Variants in ZNF714 observed in about 807,000 individuals in gnomAD.
The protein encoded by ZNF714 is zinc finger protein 714.
Under a neutral mutation model 46.2 loss-of-function variants are expected in ZNF714, and 32 were observed. The observed-to-expected ratio is 0.69, with a 90% CI of 0.52 to 0.93. ZNF714 has a LOEUF of 0.93. Among genes scored for constraint, ZNF714 ranks in the 40% least tolerant of loss-of-function variants. The probability of loss-of-function intolerance (pLI) is 0.00; values close to 1 mark genes in which losing one functional copy is unlikely to be tolerated. For missense variants in ZNF714, 635 were observed against 646.3 expected (o/e 0.98, Z 0.19); for synonymous variants, 199 against 213.1 (o/e 0.93, Z 0.58).
chr19:21,103,072 TTTATC>T (rs1160097302), intron 4 of ZNF714, among the ~76,000 whole-genome samples: 1 of 152,030 alleles, frequency 6.6e-6, no homozygotes, highest in East Asian at 1.9e-4. Context: ...CAGTGGGTAT[TTTATC>T]TTGTCTAAGC....
chr19:21,116,315 G>T (rs1969595874), intron 4 of ZNF714, among the ~76,000 whole-genome samples: 1 of 151,902 alleles, frequency 6.6e-6, no homozygotes. Flanking sequence ...ATTACCTTTG[G>T]TCTCAAGACC....
chr19:21,108,890 ATTTGC>A (rs1969383876), intron 4 of ZNF714, among the ~76,000 whole-genome samples: 1 of 152,298 alleles, frequency 6.6e-6, no homozygotes, highest in Non-Finnish European at 1.5e-5. Context: ...CTTTGCCAAA[ATTTGC>A]TTTGTATATT....
At chr19:21,099,390 G>A (rs1969119055) in intron 4 of ZNF714, among the ~76,000 whole-genome samples, 1 of 152,098 alleles carries the variant, frequency 6.6e-6, no homozygotes, top group South Asian at 2.1e-4. Context: ...ATGTTGGCCA[G>A]GCTGGTCTTG....
chr19:21,082,260 C>T lies in ZNF714; in HGVS notation c.-265C>T. 7.4e-7 allele frequency: 1 copy of T among 1,359,426 alleles called. No individual in the cohort carries two copies. The highest frequency in any genetic ancestry group is 1.9e-5 in the Admixed American group (1 of 54,014). 84.2% of individuals were successfully genotyped at this position (1,359,426 alleles called of 1,614,324 possible). ...CCTTCACTGCCCTGTGTCCTCTGCT[C>T]GCAGAGGCCCAGCCTCTGTGGCCCT... On this transcript the variant is annotated 5_prime_UTR_variant, in exon 1 of 5. Transcript: ENST00000456283.
chr19:21,089,851 A>C lies in ZNF714; in HGVS notation c.-85+5782A>C. Among the ~76,000 whole-genome samples the C allele has an allele frequency of 1.6e-5, 2 of 121,652 alleles. 1 individual carries two copies. Among genetic ancestry groups the C allele is most frequent in the Non-Finnish European group, 3.6e-5 (2 of 55,352 alleles). 79.8% of individuals were successfully genotyped at this position (121,652 alleles called of 152,430 possible). On this transcript the variant is annotated intron_variant, in intron 2 of 4. Coordinates refer to ENST00000456283, the MANE Select transcript of ZNF714 (RefSeq NM_182515.4). ...TAAACAGTAATTTTTTTTACCATTC[A>C]TTCCATCAGTTTACATAGAGAGGCT...
At chr19:21,104,055 T>C (rs945870361) in intron 4 of ZNF714, among the ~76,000 whole-genome samples, 1 of 151,188 alleles carries the variant, frequency 6.6e-6, no homozygotes, top group Admixed American at 6.6e-5. Context: ...CGTTCCACTT[T>C]GTTTTTATGA....
chr19:21,122,908 A>C lies in ZNF714; in HGVS notation c.*4576A>C, dbSNP rs551455055. 1 of 152,124 alleles carries C rather than the reference A, an allele frequency of 6.6e-6. No individual in the cohort carries two copies. Among genetic ancestry groups the C allele is most frequent in the African/African-American group, 2.4e-5 (1 of 41,436 alleles). 9.4% of individuals were successfully genotyped at this position (152,124 alleles called of 1,614,324 possible). A position where few individuals can be genotyped will look rare whatever the true frequency, so the allele number is the denominator to read the frequency against. On this transcript the variant is annotated 3_prime_UTR_variant, in exon 5 of 5. Coordinates refer to ENST00000456283, the MANE Select transcript of ZNF714 (RefSeq NM_182515.4). Reference sequence around the variant, plus strand: ...GGTGGCTCACGCCTCTAATCCCAGCACTTTGAGAGGCCGAGGCAAGTGGAT... The same window carrying C: ...GGTGGCTCACGCCTCTAATCCCAGCCCTTTGAGAGGCCGAGGCAAGTGGAT...
intron 2 of ZNF714, among the ~76,000 whole-genome samples, chr19:21,093,679 G>T (rs1968974988): frequency 6.6e-6 from 1 of 151,776 alleles, no homozygotes; most frequent in Non-Finnish European, 1.5e-5. Flanking sequence ...TGTTGCAAAG[G>T]CTGAAGTGCA....
intron 4 of ZNF714, among the ~76,000 whole-genome samples, chr19:21,100,415 C>A (rs890926428): frequency 3.3e-5 from 5 of 151,732 alleles, no homozygotes; most frequent in African/African-American, 4.8e-5. Context: ...GCCTGTAATC[C>A]CAGCTACTCA....
intron 2 of ZNF714, among the ~76,000 whole-genome samples, chr19:21,097,449 T>G (rs2144840767): frequency 6.6e-6 from 1 of 152,358 alleles, no homozygotes; most frequent in East Asian, 1.9e-4. Context: ...AATAATTTGC[T>G]TGGTTAAAGA....
Position 21,094,066 on chromosome 19 carries a change from C to CTGCA in ZNF714, c.-84-4118_-84-4115dup, listed in dbSNP as rs1330546937. Among the ~76,000 whole-genome samples the CTGCA allele has an allele frequency of 7.2e-5, 11 of 152,362 alleles. No homozygotes were observed. The East Asian group carries it at 2.1e-3, about 29-fold the overall frequency. On this transcript the variant is annotated intron_variant, in intron 2 of 4. Coordinates refer to ENST00000456283, the MANE Select transcript of ZNF714 (RefSeq NM_182515.4). ...AGTGCAGTGGCACCATCTCAGCTCA[C>CTGCA]TGCAACCTCTGTCTCCTGGGTTCAA...
rs542914479 is a variant in ZNF714 at position 21,106,822 on chromosome 19, T to TTATG, written c.142+7930_142+7933dup. On this transcript the variant is annotated intron_variant, in intron 4 of 4. Transcript: ENST00000456283. ...TACTGTTTTTGTTATTTTAGCTTAT[T>TTATG]TATGTATGTATGTATGTATGTTTTG... Among the ~76,000 whole-genome samples, 1,102 of 152,004 alleles carry TTATG rather than the reference T, an allele frequency of 7.2e-3. 14 individuals are homozygous for TTATG. The highest frequency in any genetic ancestry group is 0.025 in the African/African-American group (1,056 of 41,466).
Position 21,110,004 on chromosome 19 carries a change from AT to A in ZNF714, c.143-6800del, listed in dbSNP as rs1399953566. Among the ~76,000 whole-genome samples, 4 of 152,170 alleles carry A rather than the reference AT, an allele frequency of 2.6e-5. No homozygotes were observed. The East Asian group carries it at 5.8e-4, about 22-fold the overall frequency. On this transcript the variant is annotated intron_variant, in intron 4 of 4. Transcript: ENST00000456283. ...TTTATCCAGTCTGTCACAGATGGGC[AT>A]TTGGGTTGATGCCATGTCTTTGCTA... is the stretch of plus-strand genomic sequence containing the variant.
At chr19:21,091,946 G>A (rs1016081163) in intron 2 of ZNF714, among the ~76,000 whole-genome samples, 17 of 152,152 alleles carry the variant, frequency 1.1e-4, no homozygotes, top group African/African-American at 3.9e-4. Context: ...TGCTGACTCT[G>A]GGTGGTGTCA....
chr19:21,122,238 A>T lies in ZNF714; in HGVS notation c.*3906A>T, dbSNP rs1235944154. On this transcript the variant is annotated 3_prime_UTR_variant, in exon 5 of 5. Transcript: ENST00000456283. ...CGATGCTCCATAATAATTCACAAAT[A>T]TTCCTGCTGGAGTTAGTTTGTAATT... The T allele has an allele frequency of 6.6e-6, 1 of 152,234 alleles. No homozygotes were observed. The highest frequency in any genetic ancestry group is 1.5e-5 in the Non-Finnish European group (1 of 68,046). 9.4% of individuals were successfully genotyped at this position (152,234 alleles called of 1,614,324 possible).
intron 2 of ZNF714, among the ~76,000 whole-genome samples, chr19:21,089,173 G>A (rs7250169): frequency 0.83 from 125,801 of 152,142 alleles, 53,684 homozygotes; most frequent in Middle Eastern, 0.94. Flanking sequence ...GATTTTGAGA[G>A]GGATCTATTC....
At chr19:21,098,673 A>T in intron 3 of ZNF714, 139 bp from the exon 4 acceptor site, 1 of 561,398 alleles carries the variant, frequency 1.8e-6, no homozygotes, top group African/African-American at 2.0e-5. Context: ...TTTTCTAAAT[A>T]GTTAGAGATG....
intron 2 of ZNF714, among the ~76,000 whole-genome samples, chr19:21,086,222 G>T (rs1968774874): frequency 6.6e-6 from 1 of 152,116 alleles, no homozygotes; most frequent in African/African-American, 2.4e-5. Flanking sequence ...ATGGGAAAAA[G>T]AAGAAAATGT....
intron 3 of ZNF714, 28 bp from the exon 4 acceptor site, chr19:21,098,784 A>T: frequency 6.5e-7 from 1 of 1,531,658 alleles, no homozygotes. Context: ...AATATAAGCA[A>T]GATTTATGCT....
Sources: allele counts gnomAD v4.1 joint callset (sites outside exome capture counted in the v4.1 genomes callset), GRCh38; gene constraint gnomAD v4.1.1; transcripts MANE v1.5; gene names NCBI Gene and HGNC (gene_info 2026-07-23, HGNC 2026-07-21).